Variants in DCLK3 observed in about 807,000 individuals in gnomAD.
DCLK3 encodes serine/threonine-protein kinase DCLK3.
A neutral mutation model predicts 46.4 loss-of-function variants in DCLK3; 30 were observed. The ratio of observed to expected loss-of-function variants is 0.65; its 90% CI spans 0.48 to 0.88. The LOEUF (loss-of-function observed/expected upper bound fraction) is 0.88. DCLK3 is among the 40% of genes least tolerant of loss of function. The pLI is 0.00. For missense variants in DCLK3, 846 were observed against 907.1 expected, an observed-to-expected ratio of 0.93 and a Z score of 0.87; for synonymous variants, 401 against 339.2, an observed-to-expected ratio of 1.18 and a Z score of -2.00.
chr3:36,756,204 AC>A (rs1701483313), intron 1 of DCLK3, among the ~76,000 whole-genome samples: 1 of 152,094 alleles, frequency 6.6e-6, no homozygotes, highest in South Asian at 2.1e-4. Context: ...TCTGCTGGGA[AC>A]CTCTGGAGAG....
At chr3:36,754,433 A>T (rs925690327) in intron 1 of DCLK3, among the ~76,000 whole-genome samples, 5 of 152,266 alleles carry the variant, frequency 3.3e-5, no homozygotes, top group African/African-American at 7.2e-5. Context: ...TACATTAAAC[A>T]GTCTGACCTG....
At chr3:36,735,531 G>A (rs1022405047) in intron 2 of DCLK3, among the ~76,000 whole-genome samples, 1 of 152,174 alleles carries the variant, frequency 6.6e-6, no homozygotes, top group Non-Finnish European at 1.5e-5. Flanking sequence ...CTGCTTGTGA[G>A]ACCAGTTTAC....
chr3:36,747,947 G>A (rs1701406889), intron 1 of DCLK3, among the ~76,000 whole-genome samples: 1 of 152,190 alleles, frequency 6.6e-6, no homozygotes, highest in South Asian at 2.1e-4. Context: ...CACTGCCATA[G>A]AATATCTCTT....
chr3:36,753,414 C>A (rs564668131), intron 1 of DCLK3, among the ~76,000 whole-genome samples: 13 of 152,186 alleles, frequency 8.5e-5, no homozygotes, highest in Non-Finnish European at 1.8e-4. Context: ...AGACCCCAGT[C>A]TGTCTCCTTA....
chr3:36,748,980 C>G (rs897377865), intron 1 of DCLK3, among the ~76,000 whole-genome samples: 3 of 151,968 alleles, frequency 2.0e-5, no homozygotes, highest in Non-Finnish European at 4.4e-5. Context: ...GACCAGACCT[C>G]CCCCTGGGGA....
chr3:36,729,244 TGTG>T (rs1391734112), intron 2 of DCLK3, among the ~76,000 whole-genome samples: 4 of 35,936 alleles, frequency 1.1e-4, no homozygotes, highest in African/African-American at 2.2e-4. Flanking sequence ...GTTGTGTGTG[TGTG>T]TGGGGGGGGG....
intron 1 of DCLK3, among the ~76,000 whole-genome samples, chr3:36,759,043 G>A (rs1450151599): frequency 6.6e-6 from 1 of 152,134 alleles, no homozygotes; most frequent in Non-Finnish European, 1.5e-5. Context: ...AAAGCTCTAA[G>A]TATAAAGAGT....
Position 36,721,989 on chromosome 3 carries a change from T to G in DCLK3, c.1960-330A>C, listed in dbSNP as rs113835706. On this transcript the variant is annotated intron_variant, in intron 2 of 4. Transcript: ENST00000636136. ...ACATTTCAAGTGCTCAAAAGCCACTTGTGGCTTGTGGCTACTATATTGGGA... is the reference window on the plus strand; with the variant it reads ...ACATTTCAAGTGCTCAAAAGCCACTGGTGGCTTGTGGCTACTATATTGGGA... Among the ~76,000 whole-genome samples, 907 of 152,350 alleles carry G rather than the reference T, an allele frequency of 6.0e-3. 9 individuals are homozygous for G. The highest frequency in any genetic ancestry group is 0.021 in the African/African-American group (868 of 41,570).
rs781743725 is a variant in DCLK3, at chr3:36,721,632, T to C, written c.1987A>G (p.Thr663Ala). ...LVQRNEDKST[T>A]LKLADFGLAK... ...AGTCCAAAATCAGCCAATTTCAAGG[T>C]AGTAGATTTGTCCTCATTTCGCTGA... The change falls in exon 3 of 5, where the codon ACC becomes GCC. Residue 663 changes from threonine (T) to alanine (A), a missense_variant. Around this residue, in one of 3 missense-constraint regions of DCLK3, gnomAD observed 247 missense variants for 322.8 expected, o/e 0.77. Transcript: ENST00000636136. The C allele has an allele frequency of 6.2e-7, 1 of 1,614,158 alleles. No individual in the cohort carries two copies. Among genetic ancestry groups the C allele is most frequent in the Non-Finnish European group, 8.5e-7 (1 of 1,180,026 alleles).
In DCLK3 at chr3:36,738,033, A is replaced by G; in HGVS notation, c.1134T>C (p.Asn378=). The change falls in exon 2 of 5, where the codon AAT becomes AAC. Residue 378 remains asparagine (N), a synonymous_variant. Transcript: ENST00000636136. The stretch of plus-strand genomic sequence containing the variant: ...TGGGTCTCCTCAGCTCTTGAGTGGG[A>G]TTCCTGGGGCTGCTCCTGTGGCTGT... ...KGDSHRSSPR[N]PTQELRRPSK... is the part of the protein sequence containing the mutation. 2 of 1,613,784 alleles carry G rather than the reference A, an allele frequency of 1.2e-6. No individual in the cohort carries two copies. Among genetic ancestry groups the G allele is most frequent in the Non-Finnish European group, 1.7e-6 (2 of 1,179,952 alleles).
At position 36,713,667 on chromosome 3, in the gene DCLK3, G is replaced by C. The variant is rs1370654963; in HGVS notation, c.*1661C>G. 6.6e-6 allele frequency: 1 copy of C among 152,244 alleles called. No individual in the cohort carries two copies. 9.4% of individuals were successfully genotyped at this position (152,244 alleles called of 1,614,324 possible). A position where few individuals can be genotyped will look rare whatever the true frequency, so the allele number is the denominator to read the frequency against. ...TAAAATCCAGATTAGCATCCAAAAG[G>C]CTTATTAGGGAGTGGTCTCAGGATC... On this transcript the variant is annotated 3_prime_UTR_variant, in exon 5 of 5. Coordinates refer to ENST00000636136, the MANE Select transcript of DCLK3 (RefSeq NM_001394672.2).
At position 36,713,378 on chromosome 3, in the gene DCLK3, AT is replaced by A. The variant is rs1205479295; in HGVS notation, c.*1949del. ...TTGAGGATTGAAAATTCTCTTTTGG[AT>A]TTAGTGAAATGAAGGTTACTGGTGT... On this transcript the variant is annotated 3_prime_UTR_variant, in exon 5 of 5. Transcript: ENST00000636136. 6.6e-6 allele frequency: 1 copy of A among 152,172 alleles called. No homozygotes were observed. Among genetic ancestry groups the A allele is most frequent in the Non-Finnish European group, 1.5e-5 (1 of 68,022 alleles). 9.4% of individuals were successfully genotyped at this position (152,172 alleles called of 1,614,324 possible).
At chr3:36,746,127 CTT>C (rs899809030) in intron 1 of DCLK3, among the ~76,000 whole-genome samples, 27 of 152,270 alleles carry the variant, frequency 1.8e-4, no homozygotes, top group African/African-American at 4.8e-5. Context: ...ATTAAAGAGA[CTT>C]TTTCCTGCTC....
chr3:36,721,760 T>C (rs1233736828), intron 2 of DCLK3, 101 bp from the exon 3 acceptor site: 3 of 1,410,866 alleles, frequency 2.1e-6, no homozygotes, highest in Non-Finnish European at 3.0e-6. Flanking sequence ...AAGCAAACCA[T>C]AAACCTATAT....
intron 4 of DCLK3, among the ~76,000 whole-genome samples, chr3:36,715,850 C>T (rs1267462969): frequency 2.0e-5 from 3 of 152,162 alleles, no homozygotes; most frequent in East Asian, 1.9e-4. Flanking sequence ...CAGCACAGCT[C>T]GAGAGGACGT....
intron 1 of DCLK3, among the ~76,000 whole-genome samples, chr3:36,748,578 A>G (rs1298548326): frequency 6.6e-6 from 1 of 152,144 alleles, no homozygotes; most frequent in Non-Finnish European, 1.5e-5. Context: ...CAGGAGCCAC[A>G]GTGCACATGA....
intron 2 of DCLK3, among the ~76,000 whole-genome samples, chr3:36,732,766 G>T (rs1047031870): frequency 6.6e-6 from 1 of 152,194 alleles, no homozygotes; most frequent in African/African-American, 2.4e-5. Flanking sequence ...GAATACCTCT[G>T]TCTTGGAAGC....
chr3:36,745,772 T>A (rs886144266), intron 1 of DCLK3, among the ~76,000 whole-genome samples: 1 of 152,208 alleles, frequency 6.6e-6, no homozygotes, highest in African/African-American at 2.4e-5. Context: ...TGTTTGGGAA[T>A]AAACTCATTT....
intron 3 of DCLK3, among the ~76,000 whole-genome samples, 191 bp downstream of exon 3, chr3:36,721,336 G>A (rs899904266): frequency 6.6e-6 from 1 of 151,824 alleles, no homozygotes; most frequent in South Asian, 2.1e-4. Context: ...CTGTAACAAG[G>A]GCAGCCCTAA....
Sources: gnomAD v4.1 joint callset for allele counts (sites outside exome capture counted in the v4.1 genomes callset) on GRCh38, gnomAD v4.1.1 for gene constraint, gnomAD v4.1.1 regional missense constraint, MANE v1.5 for transcripts, NCBI Gene and HGNC (gene_info 2026-07-23, HGNC 2026-07-21) for gene names.